ERG: variants seen among roughly 807,000 people sequenced by gnomAD.
ERG encodes transcriptional regulator ERG.
In ERG, 9 loss-of-function variants were observed where a neutral mutation model predicts 55.3. That is an observed-to-expected ratio of 0.16 (90% CI 0.10 to 0.28). ERG has a LOEUF of 0.28. Among genes scored for constraint, ERG ranks in the 10% least tolerant of loss-of-function variants. The pLI, the probability that ERG is intolerant of heterozygous loss-of-function variation, is 1.00. For missense variants in ERG, 434 were observed against 631.6 expected, an observed-to-expected ratio of 0.69 and a Z score of 3.35; for synonymous variants, 223 against 237.3, an observed-to-expected ratio of 0.94 and a Z score of 0.55.
At chr21:38,395,721 GCAAC>G (rs1988179975) in intron 6 of ERG, 1 of 169,794 alleles carries the variant, frequency 5.9e-6, no homozygotes, top group African/African-American at 2.4e-5. Flanking sequence ...CTACACACCA[GCAAC>G]TGTGTCGATT....
intron 1 of ERG, among the ~76,000 whole-genome samples, chr21:38,469,000 AAG>A (rs1279509713): frequency 5.7e-4 from 39 of 68,030 alleles, no homozygotes; most frequent in Admixed American, 1.1e-3. Flanking sequence ...AAAAAAAAAA[AAG>A]AAAAAAAAAA....
At chr21:38,495,252 C>A (rs538897629) in intron 1 of ERG, among the ~76,000 whole-genome samples, 1 of 152,008 alleles carries the variant, frequency 6.6e-6, no homozygotes, top group Non-Finnish European at 1.5e-5. Flanking sequence ...GCAGACGTGG[C>A]GTATATAATG....
At chr21:38,622,522 ACAC>A (rs1326210250) in intron 1 of ERG, among the ~76,000 whole-genome samples, 1 of 150,396 alleles carries the variant, frequency 6.6e-6, no homozygotes, top group African/African-American at 2.5e-5. Context: ...CACACACACC[ACAC>A]ATCACATACA....
rs1299532439 is a variant in ERG, at chr21:38,429,378, CAT to C, written c.237-5819_237-5818del. ...TACATATATAATATGTACACATATA[CAT>C]ATATATGTACACATATACACATGTA... On this transcript the variant is annotated intron_variant, in intron 2 of 9. Coordinates refer to ENST00000288319, the MANE Select transcript of ERG (RefSeq NM_182918.4). Among the ~76,000 whole-genome samples the C allele has an allele frequency of 1.6e-4, 14 of 85,996 alleles. 1 individual carries two copies. The highest frequency in any genetic ancestry group is 7.6e-4 in the South Asian group (1 of 1,320). 56.4% of individuals were successfully genotyped at this position (85,996 alleles called of 152,430 possible). A position where few individuals can be genotyped will look rare whatever the true frequency, so the allele number is the denominator to read the frequency against.
chr21:38,562,417 A>C (rs2059898300), intron 2 of ERG, among the ~76,000 whole-genome samples: 1 of 152,118 alleles, frequency 6.6e-6, no homozygotes, highest in Non-Finnish European at 1.5e-5. Context: ...GCCTGGCTTT[A>C]AAGAGGCTGG....
chr21:38,585,532 C>CTTTTTTTTTTTTTTTTTTTTTTTTTT (rs760791568), upstream of ERG, among the ~76,000 whole-genome samples: 38 of 59,282 alleles, frequency 6.4e-4, 13 homozygotes, highest in South Asian at 1.7e-3. Flanking sequence ...TCTCTCTCTT[C>CTTTTTTTTTTTTTTTTTTTTTTTTTT]TTTTTTTTTT....
At chr21:38,576,923 C>A (rs1428842969) in intron 1 of ERG, among the ~76,000 whole-genome samples, 2 of 152,204 alleles carry the variant, frequency 1.3e-5, no homozygotes, top group Non-Finnish European at 2.9e-5. Flanking sequence ...TACCTGGTCC[C>A]CAGCCAGTCT....
intron 1 of ERG, among the ~76,000 whole-genome samples, chr21:38,579,747 C>T (rs2060016705): frequency 5.3e-5 from 8 of 152,274 alleles, no homozygotes; most frequent in Admixed American, 5.2e-4. Context: ...TCAGCGAAAA[C>T]CCAACGGACC....
chr21:38,413,504 T>C (rs1047398874), intron 3 of ERG, among the ~76,000 whole-genome samples: 5 of 152,178 alleles, frequency 3.3e-5, no homozygotes, highest in African/African-American at 4.8e-5. Flanking sequence ...TAATCCTCTA[T>C]GAAAGATTCA....
At chr21:38,521,452 T>G (rs2051400) in intron 2 of ERG, among the ~76,000 whole-genome samples, 10,213 of 152,106 alleles carry the variant, frequency 0.067, 469 homozygotes, top group South Asian at 0.14. Flanking sequence ...TGACGCCACC[T>G]CCAAAAAATG....
rs531425790 is a variant in ERG at position 38,516,191 on chromosome 21, T to C, written c.-41+59471A>G. The stretch of plus-strand genomic sequence containing the variant: ...CCAAACTGGAAAAGAAGTCAAATTG[T>C]CCCTCTTTGGAGATGACATGATCTT... On this transcript the variant is annotated intron_variant, in intron 2 of 8. Transcript: ENST00000398897. Among the ~76,000 whole-genome samples, 31 of 152,052 alleles carry C rather than the reference T, an allele frequency of 2.0e-4. No individual in the cohort carries two copies. The South Asian group carries it at 5.2e-3, about 25-fold the overall frequency.
At chr21:38,580,456 G>A (rs921338640) in intron 1 of ERG, among the ~76,000 whole-genome samples, 1 of 152,140 alleles carries the variant, frequency 6.6e-6, no homozygotes, top group Non-Finnish European at 1.5e-5. Flanking sequence ...GTCACTGTAG[G>A]AACCTTTTTA....
intron 2 of ERG, among the ~76,000 whole-genome samples, chr21:38,518,093 A>G (rs1373318049): frequency 1.3e-5 from 2 of 152,188 alleles, no homozygotes; most frequent in African/African-American, 4.8e-5. Flanking sequence ...CAAATCAGCT[A>G]GAAAAGAGGA....
intron 2 of ERG, among the ~76,000 whole-genome samples, chr21:38,573,838 T>C (rs559073454): frequency 1.3e-4 from 20 of 152,334 alleles, no homozygotes; most frequent in African/African-American, 2.2e-4. Flanking sequence ...TCGTCCCACC[T>C]GACTAGAAAT....
chr21:38,415,525 T>C (rs556875748), intron 3 of ERG, among the ~76,000 whole-genome samples: 4 of 152,320 alleles, frequency 2.6e-5, no homozygotes, highest in South Asian at 2.1e-4. Context: ...TGTTTGAGCA[T>C]AGCAGGAATT....
At chr21:38,574,866 C>G (rs1219786428) in intron 2 of ERG, among the ~76,000 whole-genome samples, 1 of 152,198 alleles carries the variant, frequency 6.6e-6, no homozygotes, top group African/African-American at 2.4e-5. Context: ...GTTGAACTAA[C>G]CAGCACAGGT....
At chr21:38,470,870 C>T (rs947986249) in intron 1 of ERG, 2 of 152,158 alleles carry the variant, frequency 1.3e-5, no homozygotes, top group Admixed American at 6.5e-5. Context: ...ACAAGAAAAG[C>T]TAACCTGGAA....
chr21:38,633,666 T>G (rs1397229344), intron 1 of ERG, among the ~76,000 whole-genome samples: 1 of 152,216 alleles, frequency 6.6e-6, no homozygotes, highest in Non-Finnish European at 1.5e-5. Flanking sequence ...TTCTGAGGCC[T>G]GTTTTAGAAG....
At chr21:38,595,446 T>C (rs1568938435) in intron 1 of ERG, among the ~76,000 whole-genome samples, 1 of 151,916 alleles carries the variant, frequency 6.6e-6, no homozygotes, top group Non-Finnish European at 1.5e-5. Context: ...GAAATGTGGG[T>C]CTCAGTGAAG....
Sources: gnomAD v4.1 joint callset for allele counts (sites outside exome capture counted in the v4.1 genomes callset) on GRCh38, gnomAD v4.1.1 for gene constraint, MANE v1.5 for transcripts, NCBI Gene and HGNC (gene_info 2026-07-23, HGNC 2026-07-21) for gene names.